Variants in DST observed in about 807,000 individuals in gnomAD.
DST encodes the protein dystonin.
Under a neutral mutation model 875.2 loss-of-function variants are expected in DST, and 253 were observed. The observed-to-expected ratio is 0.29, with a 90% CI of 0.26 to 0.32. The LOEUF (loss-of-function observed/expected upper bound fraction) is 0.32, where lower values mean the gene tolerates loss of function less well. Among genes scored for constraint, DST ranks in the 10% least tolerant of loss-of-function variants. The pLI is 1.00. For synonymous variants in DST, 3,124 were observed against 3,197.1 expected (o/e 0.98, Z 0.77); for missense variants, 8,287 against 9,111.6 (o/e 0.91, Z 3.68).
chr6:56,831,499 C>A (rs949699287), intron 4 of DST, among the ~76,000 whole-genome samples: 3 of 152,072 alleles, frequency 2.0e-5, no homozygotes, highest in Non-Finnish European at 4.4e-5. Flanking sequence ...CACTGAAATT[C>A]TGCCTTCCTT....
chr6:56,863,588 C>T (rs1591817815), intron 3 of DST, among the ~76,000 whole-genome samples: 1 of 152,298 alleles, frequency 6.6e-6, no homozygotes, highest in Non-Finnish European at 1.5e-5. Flanking sequence ...ACCTTCCTCC[C>T]CTTCACAGCT....
rs1490161066 is a variant in DST, at chr6:56,485,428, T to A, written c.21091A>T (p.Thr7031Ser). 1 of 1,613,946 alleles carries A rather than the reference T, an allele frequency of 6.2e-7. No individual in the cohort carries two copies. Among genetic ancestry groups the A allele is most frequent in the Admixed American group, 1.7e-5 (1 of 60,034 alleles). ...EEALLFSGQF[T>S]DALQALIDWL... ...TCAATGAGAGCCTGTAGGGCATCTG[T>A]GAATTGTCCAGAAAATAACAGGGCT... The change falls in exon 88 of 104, where the codon ACA becomes TCA. Residue 7031 changes from threonine to serine, a missense_variant. Coordinates refer to ENST00000680361, the MANE Select transcript of DST (RefSeq NM_001374736.1).
rs556386144 is a variant in DST, at chr6:56,736,598, T to C, written c.626-1309A>G. ...ATCCTTTCCCTGGGGGTAAGATATGTCTCGGTCTCTTTCTTCATCTCTTTT... is the reference window on the plus strand; with the variant it reads ...ATCCTTTCCCTGGGGGTAAGATATGCCTCGGTCTCTTTCTTCATCTCTTTT... On this transcript the variant is annotated intron_variant, in intron 4 of 103. Coordinates refer to ENST00000680361, the MANE Select transcript of DST (RefSeq NM_001374736.1). Among the ~76,000 whole-genome samples the C allele has an allele frequency of 3.3e-5, 5 of 152,302 alleles. No individual in the cohort carries two copies. The South Asian group carries it at 8.3e-4, about 25-fold the overall frequency.
At chr6:56,953,709 A>C in intron 2 of DST, 76 bp downstream of exon 2, 1 of 1,089,674 alleles carries the variant, frequency 9.2e-7, no homozygotes, top group Non-Finnish European at 1.2e-6. Context: ...TGGTTTCTTA[A>C]CACGCATATA....
At chr6:56,614,264 T>A (rs964229576) in intron 37 of DST, 92 bp downstream of exon 37, 5 of 1,213,068 alleles carry the variant, frequency 4.1e-6, no homozygotes, top group Non-Finnish European at 5.6e-6. Context: ...AAAATTAAGG[T>A]AAAAATTAAA....
At chr6:56,676,667 T>C (rs2099131786) in intron 9 of DST, among the ~76,000 whole-genome samples, 3 of 141,616 alleles carry the variant, frequency 2.1e-5, no homozygotes, top group South Asian at 4.5e-4. Context: ...ATGTGATATA[T>C]ACAAACAATA....
intron 61 of DST, among the ~76,000 whole-genome samples, chr6:56,551,167 G>C (rs34804434): frequency 0.012 from 1,782 of 152,176 alleles, 33 homozygotes; most frequent in African/African-American, 0.04. Context: ...CCTAAATAAT[G>C]TTATTAAAGA....
chr6:56,954,343 T>G (rs1253849065), intron 1 of DST, 64 bp downstream of exon 1: 2 of 1,234,502 alleles, frequency 1.6e-6, no homozygotes, highest in Non-Finnish European at 2.1e-6. Context: ...GAGCCGCGCT[T>G]CACTCTCCAA....
At chr6:56,490,514 G>A (rs1260027693) in intron 85 of DST, among the ~76,000 whole-genome samples, 1 of 152,132 alleles carries the variant, frequency 6.6e-6, no homozygotes, top group East Asian at 1.9e-4. Flanking sequence ...TAAGAGCAGA[G>A]TAAGGACACA....
intron 2 of DST, among the ~76,000 whole-genome samples, chr6:56,910,775 G>A (rs1407979461): frequency 2.0e-5 from 3 of 152,140 alleles, no homozygotes; most frequent in Non-Finnish European, 4.4e-5. Flanking sequence ...ATGAGCCCCC[G>A]TGCTCGGCCT....
chr6:56,907,959 A>G (rs1797138921), intron 2 of DST, among the ~76,000 whole-genome samples: 1 of 152,108 alleles, frequency 6.6e-6, no homozygotes, highest in African/African-American at 2.4e-5. Flanking sequence ...AATCCCAGCT[A>G]TTTGGAAGGC....
At chr6:56,460,379 G>T in intron 102 of DST, 125 bp from the exon 103 acceptor site, 1 of 913,804 alleles carries the variant, frequency 1.1e-6, no homozygotes, top group Non-Finnish European at 1.6e-6. Context: ...TGAAGGGGGA[G>T]AAACTCTTCA....
intron 5 of DST, among the ~76,000 whole-genome samples, chr6:56,716,012 T>C (rs1374756166): frequency 1.3e-5 from 2 of 152,192 alleles, no homozygotes; most frequent in Non-Finnish European, 2.9e-5. Context: ...GTATGCCTTT[T>C]TCTCCTATGA....
intron 4 of DST, among the ~76,000 whole-genome samples, chr6:56,787,989 G>A (rs200319003): frequency 4.6e-5 from 7 of 151,038 alleles, no homozygotes; most frequent in African/African-American, 1.2e-4. Flanking sequence ...GCATGGTGGC[G>A]GGCACCTGTA....
intron 70 of DST, 64 bp downstream of exon 70, chr6:56,517,437 A>G (rs1409411311): frequency 2.5e-5 from 40 of 1,599,888 alleles, no homozygotes; most frequent in African/African-American, 5.4e-5. Context: ...ATACAAGCAC[A>G]TTTTATAGAG....
At chr6:56,625,972 T>TAAAAAAAA (rs76788667) in intron 34 of DST, among the ~76,000 whole-genome samples, 2 of 74,916 alleles carry the variant, frequency 2.7e-5, no homozygotes. Flanking sequence ...GTTTAAAAAG[T>TAAAAAAAA]AAAAAAAAAA....
intron 78 of DST, among the ~76,000 whole-genome samples, chr6:56,502,546 A>G (rs1199304358): frequency 6.6e-6 from 1 of 152,094 alleles, no homozygotes; most frequent in African/African-American, 2.4e-5. Context: ...CACTGAGGCC[A>G]TATGCCCTAA....
chr6:56,664,583 C>T (rs537526738), intron 10 of DST, among the ~76,000 whole-genome samples: 2 of 152,226 alleles, frequency 1.3e-5, no homozygotes, highest in South Asian at 4.1e-4. Flanking sequence ...TTGGTTAATT[C>T]TACTTTATCC....
At chr6:56,552,040 T>C in intron 61 of DST, 144 bp downstream of exon 61, 1 of 912,336 alleles carries the variant, frequency 1.1e-6, no homozygotes, top group Non-Finnish European at 1.6e-6. Flanking sequence ...GCCTGGGTGT[T>C]ACCCCCATAT....
Sources: gnomAD v4.1 joint callset for allele counts (sites outside exome capture counted in the v4.1 genomes callset) on GRCh38, gnomAD v4.1.1 for gene constraint, MANE v1.5 for transcripts, NCBI Gene and HGNC (gene_info 2026-07-23, HGNC 2026-07-21) for gene names.